The following RIN3 variants were observed in gnomAD, a reference collection of about 807,000 sequenced individuals.
The protein encoded by RIN3 is RAB5 interacting protein 3.
A neutral mutation model predicts 76.3 loss-of-function variants in RIN3; 54 were observed. That is an observed-to-expected ratio of 0.71 (90% CI 0.57 to 0.89). RIN3 has a LOEUF of 0.89. Among genes scored for constraint, RIN3 ranks in the 40% least tolerant of loss-of-function variants. The pLI is 0.00. For synonymous variants in RIN3, 576 were observed against 564.0 expected, an observed-to-expected ratio of 1.02 and a Z score of -0.30; for missense variants, 1,256 against 1,322.1, an observed-to-expected ratio of 0.95 and a Z score of 0.78.
intron 1 of RIN3, among the ~76,000 whole-genome samples, chr14:92,555,363 C>G (rs1566840465): frequency 6.6e-6 from 1 of 152,134 alleles, no homozygotes; most frequent in Admixed American, 6.5e-5. Flanking sequence ...CTCACAGACC[C>G]AAGAAACAGT....
chr14:92,556,671 A>T (rs532062250), intron 2 of RIN3, among the ~76,000 whole-genome samples: 3 of 152,200 alleles, frequency 2.0e-5, no homozygotes, highest in African/African-American at 7.2e-5. Flanking sequence ...AGCTCATCAT[A>T]TGTTCCTTTC....
chr14:92,581,808 G>A (rs1045814893), intron 3 of RIN3, among the ~76,000 whole-genome samples: 4 of 152,160 alleles, frequency 2.6e-5, no homozygotes, highest in African/African-American at 4.8e-5. Context: ...CAGAGACCTC[G>A]GTATAGAACT....
At chr14:92,572,443 G>A (rs985503180) in intron 2 of RIN3, among the ~76,000 whole-genome samples, 1 of 152,142 alleles carries the variant, frequency 6.6e-6, no homozygotes, top group African/African-American at 2.4e-5. Context: ...CAGTTTTCAG[G>A]TTTTTTTCTA....
chr14:92,572,065 G>A (rs1313822124), intron 2 of RIN3, among the ~76,000 whole-genome samples: 1 of 152,234 alleles, frequency 6.6e-6, no homozygotes, highest in Non-Finnish European at 1.5e-5. Context: ...AAGTACACTT[G>A]GAAGAGGGTC....
intron 1 of RIN3, among the ~76,000 whole-genome samples, chr14:92,546,593 T>C (rs1351417597): frequency 6.6e-6 from 1 of 152,200 alleles, no homozygotes; most frequent in Non-Finnish European, 1.5e-5. Context: ...TCTGTAAACA[T>C]GTAAACGCGG....
intron 7 of RIN3, among the ~76,000 whole-genome samples, chr14:92,665,137 G>A (rs984321935): frequency 6.6e-6 from 1 of 152,198 alleles, no homozygotes; most frequent in Non-Finnish European, 1.5e-5. Context: ...GAGCTGTATG[G>A]TATGGTCCAT....
chr14:92,649,200 TG>T (rs1887314735), intron 5 of RIN3, among the ~76,000 whole-genome samples: 1 of 152,138 alleles, frequency 6.6e-6, no homozygotes, highest in Non-Finnish European at 1.5e-5. Flanking sequence ...TGAGCAGTCA[TG>T]GGGTGTCCCG....
At chr14:92,687,861 G>A in intron 9 of RIN3, 65 bp from the exon 10 acceptor site, 2 of 1,399,320 alleles carry the variant, frequency 1.4e-6, no homozygotes, top group South Asian at 2.9e-5. Context: ...AGGGGCCTGG[G>A]CCGGGAGAGG....
At chr14:92,601,766 C>A (rs1885353930) in intron 3 of RIN3, among the ~76,000 whole-genome samples, 1 of 152,186 alleles carries the variant, frequency 6.6e-6, no homozygotes, top group South Asian at 2.1e-4. Context: ...TTCCACCTCC[C>A]CTTCCCCTAA....
intron 2 of RIN3, among the ~76,000 whole-genome samples, chr14:92,560,651 T>G (rs943675115): frequency 2.0e-5 from 3 of 152,046 alleles, no homozygotes; most frequent in African/African-American, 7.2e-5. Flanking sequence ...GATCTTCAGC[T>G]GGCAAGGCGC....
chr14:92,628,861 T>C (rs1049263281), intron 4 of RIN3, among the ~76,000 whole-genome samples: 1 of 152,040 alleles, frequency 6.6e-6, no homozygotes, highest in African/African-American at 2.4e-5. Context: ...TCCTAGGCCT[T>C]CAGGCAACAC....
chr14:92,621,623 C>T (rs1219631670), intron 4 of RIN3, among the ~76,000 whole-genome samples: 1 of 152,074 alleles, frequency 6.6e-6, no homozygotes, highest in Admixed American at 6.5e-5. Flanking sequence ...TGTCTAAGGA[C>T]CTGGGATCAA....
At chr14:92,660,273 G>A (rs901388423) in intron 7 of RIN3, among the ~76,000 whole-genome samples, 4 of 152,222 alleles carry the variant, frequency 2.6e-5, no homozygotes, top group Non-Finnish European at 1.5e-5. Context: ...GTGGTCAGAG[G>A]TGGGCCAGTT....
At chr14:92,613,860 C>T (rs1885845600) in intron 3 of RIN3, among the ~76,000 whole-genome samples, 1 of 152,210 alleles carries the variant, frequency 6.6e-6, no homozygotes, top group Non-Finnish European at 1.5e-5. Context: ...TTTCCTGGCC[C>T]CTCTGGAGCC....
intron 3 of RIN3, among the ~76,000 whole-genome samples, chr14:92,587,282 GC>G (rs988068078): frequency 1.3e-5 from 2 of 152,218 alleles, no homozygotes; most frequent in Non-Finnish European, 2.9e-5. Flanking sequence ...TCAGGTAATG[GC>G]CTTCCTGGCT....
intron 3 of RIN3, among the ~76,000 whole-genome samples, chr14:92,582,969 C>A (rs1016230493): frequency 6.6e-6 from 1 of 152,194 alleles, no homozygotes; most frequent in Admixed American, 6.5e-5. Flanking sequence ...CTTTTTGAAT[C>A]CCGCTGTTTT....
At chr14:92,561,044 A>AAATATATATATATAT (rs1555383856) in intron 2 of RIN3, among the ~76,000 whole-genome samples, 3 of 24,404 alleles carry the variant, frequency 1.2e-4, no homozygotes, top group African/African-American at 3.9e-4. Context: ...AAAAAAAAAA[A>AAATATATATATATAT]ATATATATAT....
chr14:92,585,658 G>A (rs74072974), intron 3 of RIN3, among the ~76,000 whole-genome samples: 4,907 of 152,116 alleles, frequency 0.032, 277 homozygotes, highest in African/African-American at 0.11. Context: ...TTGTTTTCAC[G>A]GTCTCACTCT....
Position 92,513,809 on chromosome 14 carries a change from C to A in RIN3, c.-124C>A. ...AGGGAGCGAGAGCCCCAGAGCGCGGCGGCAGCGGCGGCCTGGCCCTTCCAG... is the reference window on the plus strand; with the variant it reads ...AGGGAGCGAGAGCCCCAGAGCGCGGAGGCAGCGGCGGCCTGGCCCTTCCAG... On this transcript the variant is annotated 5_prime_UTR_variant, in exon 1 of 10. Coordinates refer to ENST00000216487, the MANE Select transcript of RIN3 (RefSeq NM_024832.5). The A allele has an allele frequency of 3.8e-6, 2 of 522,800 alleles. No individual in the cohort carries two copies. The highest frequency in any genetic ancestry group is 9.1e-5 in the South Asian group (1 of 10,940). 32.4% of individuals were successfully genotyped at this position (522,800 alleles called of 1,614,324 possible).
Sources: allele counts gnomAD v4.1 joint callset (sites outside exome capture counted in the v4.1 genomes callset), GRCh38; gene constraint gnomAD v4.1.1; transcripts MANE v1.5; gene names NCBI Gene and HGNC (gene_info 2026-07-23, HGNC 2026-07-21).